Variants in FMNL1 observed in about 807,000 individuals in gnomAD.
The protein encoded by FMNL1 is formin-like protein 1.
In FMNL1, 43 loss-of-function variants were observed where a neutral mutation model predicts 121.3. That is an observed-to-expected ratio of 0.35 (90% CI 0.28 to 0.46). FMNL1 has a LOEUF of 0.46. Ranked by LOEUF, FMNL1 falls within the 20% of genes least tolerant of loss-of-function variation. FMNL1 has a pLI of 1.00. For missense variants in FMNL1, 1,191 were observed against 1,482.4 expected (o/e 0.80, Z 3.23); for synonymous variants, 613 against 613.5 (o/e 1.00, Z 0.01).
intron 1 of FMNL1, among the ~76,000 whole-genome samples, chr17:45,228,333 ATGGGCACCC>A (rs2043370785): frequency 6.6e-6 from 1 of 152,114 alleles, no homozygotes; most frequent in Non-Finnish European, 1.5e-5. Context: ...GGGAAGGGGC[ATGGGCACCC>A]TGCCCTCCAC....
Position 45,241,994 on chromosome 17 carries a change from C to T in FMNL1, c.1733C>T (p.Pro578Leu), listed in dbSNP as rs1167656804. The T allele has an allele frequency of 3.9e-6, 5 of 1,292,232 alleles. No homozygotes were observed. In the East Asian group the frequency reaches 1.1e-4, roughly 28 times the overall value. The allele number at this position is 1,292,232 out of a possible 1,614,324, so 80.0% of individuals were successfully genotyped here. A position where few individuals can be genotyped will look rare whatever the true frequency, so the allele number is the denominator to read the frequency against. Residue 578 changes from proline (P) to leucine (L), a missense_variant, in exon 15 of 27, where the codon CCG becomes CTG. Pro to Leu is a moderately conservative substitution (Grantham distance 98). Transcript: ENST00000331495. This position sits in a 1 kb window ranked among gnomAD's most constrained non-coding sequence, Gnocchi z 7.0. ...GGCAGCCCGGAGCCCCCGCCTGCGC[C>T]GCCGCTGCCCGGAGACCTGCCGCCC... ...LPGSPEPPPA[P>L]PLPGDLPPPP... is the part of the protein sequence containing the mutation.
At chr17:45,236,390 C>CTT in intron 7 of FMNL1, 146 bp downstream of exon 7, 1 of 640,090 alleles carries the variant, frequency 1.6e-6, no homozygotes. Flanking sequence ...TTGGCTCAGG[C>CTT]TTTTAAGGCT....
chr17:45,233,208 TGTTCTCGGTCCCCA>T lies in FMNL1; in HGVS notation c.328-12_329del. ...CCGGGCTCCACCCACCAGCCTTCCC[TGTTCTCGGTCCCCA>T]GTTTAAGAGGCGAGTTCAGGAGTCC... On this transcript the variant is annotated splice_acceptor_variant and splice_polypyrimidine_tract_variant and intron_variant, in intron 3 of 26. Coordinates refer to ENST00000331495, the MANE Select transcript of FMNL1 (RefSeq NM_005892.4). LOFTEE classifies it high-confidence loss of function. This position sits in a 1 kb window ranked among gnomAD's most constrained non-coding sequence, Gnocchi z 4.1. 6.4e-7 allele frequency: 1 copy of T among 1,552,954 alleles called. No homozygotes were observed. Among genetic ancestry groups the T allele is most frequent in the Non-Finnish European group, 8.7e-7 (1 of 1,147,834 alleles).
In FMNL1 at chr17:45,233,924, A is replaced by C; in HGVS notation, c.486-148A>C. Reference sequence around the variant, plus strand: ...AGGGAGGGGTGGCCTCTCTTCCACCACTATGTTCAGCACAGTGCCAAGAAC... The same window carrying C: ...AGGGAGGGGTGGCCTCTCTTCCACCCCTATGTTCAGCACAGTGCCAAGAAC... On this transcript the variant is annotated intron_variant, in intron 5 of 26. Transcript: ENST00000331495. This position sits in a 1 kb window ranked among gnomAD's most constrained non-coding sequence, Gnocchi z 4.1. 1 of 1,355,316 alleles carries C rather than the reference A, an allele frequency of 7.4e-7. No individual in the cohort carries two copies. The highest frequency in any genetic ancestry group is 1.0e-6 in the Non-Finnish European group (1 of 1,005,010). 84.0% of individuals were successfully genotyped at this position (1,355,316 alleles called of 1,614,324 possible).
intron 1 of FMNL1, 151 bp from the exon 2 acceptor site, chr17:45,230,453 T>C: frequency 1.6e-6 from 1 of 621,158 alleles, no homozygotes; most frequent in Non-Finnish European, 2.8e-6. Flanking sequence ...GGTCTTCTCA[T>C]TGGATAACAC....
chr17:45,222,381 C>A (rs1035864265), intron 1 of FMNL1, 128 bp downstream of exon 1: 1 of 804,218 alleles, frequency 1.2e-6, no homozygotes, highest in Admixed American at 5.2e-5. Context: ...GCAGCTGCCC[C>A]CTCCAGGAGG....
rs753790306 is a variant in FMNL1, at chr17:45,242,462, G to T, written c.2007G>T (p.Leu669=). The part of the protein sequence containing the change: ...VFTELNDEKV[L]QELDMSDFEE... ...CAGAGCTCAATGATGAGAAGGTGCT[G>T]CAGGTGAGTGGCCCTGCCTGGCTCC... The change falls in exon 16 of 27, where the codon CTG becomes CTT. Residue 669 remains leucine, a synonymous_variant. Coordinates refer to ENST00000331495, the MANE Select transcript of FMNL1 (RefSeq NM_005892.4). The T allele has an allele frequency of 6.2e-7, 1 of 1,613,296 alleles. No individual in the cohort carries two copies.
rs1598200870 is a variant in FMNL1 at position 45,238,980 on chromosome 17, T to C, written c.995T>C (p.Ile332Thr). ...GTGGCCTGCATGCAGTTCATCAACA[T>C]TGTGGTACATTCGGTGGAGAACATG... ...FMVACMQFIN[I>T]VVHSVENMNF... Residue 332 changes from isoleucine (I) to threonine (T), a missense_variant, in exon 11 of 27, where the codon ATT becomes ACT. Physicochemically the swap from Ile to Thr is moderately conservative, Grantham distance 89. Transcript: ENST00000331495. 6.2e-7 allele frequency: 1 copy of C among 1,614,168 alleles called. No homozygotes were observed. The highest frequency in any genetic ancestry group is 8.5e-7 in the Non-Finnish European group (1 of 1,180,016).
chr17:45,232,274 C>A (rs1229910963), intron 2 of FMNL1, 93 bp from the exon 3 acceptor site: 2 of 1,115,568 alleles, frequency 1.8e-6, no homozygotes, highest in Admixed American at 4.3e-5. Context: ...GACCTCAGAT[C>A]GGAGCTGAGA....
At chr17:45,224,948 A>G (rs1344468770) in intron 1 of FMNL1, among the ~76,000 whole-genome samples, 1 of 152,122 alleles carries the variant, frequency 6.6e-6, no homozygotes, top group Non-Finnish European at 1.5e-5. Context: ...CAGCCCCTTC[A>G]TGCCTTCCCC....
At chr17:45,240,082 C>T (rs757482110) in intron 11 of FMNL1, among the ~76,000 whole-genome samples, 3 of 152,330 alleles carry the variant, frequency 2.0e-5, no homozygotes, top group Admixed American at 6.5e-5. Context: ...TGAGCCACCT[C>T]GCCCAGCTAT....
At chr17:45,245,607 G>A in intron 22 of FMNL1, 25 bp from the exon 23 acceptor site, 1 of 1,613,208 alleles carries the variant, frequency 6.2e-7, no homozygotes, top group Non-Finnish European at 8.5e-7. Context: ...GTCTAAGCTG[G>A]GGGGCTGACA....
chr17:45,228,613 G>A (rs1282891021), intron 1 of FMNL1, among the ~76,000 whole-genome samples: 2 of 152,216 alleles, frequency 1.3e-5, no homozygotes, highest in African/African-American at 2.4e-5. Context: ...CGCAGGGCTC[G>A]GAGCAGTGCC....
chr17:45,222,494 G>C (rs1185135657), intron 1 of FMNL1, among the ~76,000 whole-genome samples: 1 of 152,182 alleles, frequency 6.6e-6, no homozygotes, highest in African/African-American at 2.4e-5. Flanking sequence ...CTCCACCCCA[G>C]CTGGGTCTTA....
intron 1 of FMNL1, among the ~76,000 whole-genome samples, chr17:45,226,603 A>T (rs567550278): frequency 1.3e-5 from 2 of 152,320 alleles, no homozygotes; most frequent in African/African-American, 4.8e-5. Flanking sequence ...AATAGGGATT[A>T]TAACAGTATC....
In FMNL1 at chr17:45,241,443, C is replaced by G; in HGVS notation, c.1394C>G (p.Ala465Gly). The change falls in exon 14 of 27, where the codon GCG (alanine) becomes GGG (glycine). Residue 465 changes from alanine to glycine, a missense_variant. Ala to Gly is a moderately conservative substitution (Grantham distance 60, BLOSUM62 0). Coordinates refer to ENST00000331495, the MANE Select transcript of FMNL1 (RefSeq NM_005892.4). The surrounding 1 kb of genome is among the most constrained non-coding windows in gnomAD (Gnocchi z 7.0). The stretch of plus-strand genomic sequence containing the variant: ...AGGCGTCCCCCAGAGCCTGAGAAAG[C>G]GCCTCCCGCTGCCCCGACGCGGCCC... ...PSRRPPEPEK[A>G]PPAAPTRPSA... 1.3e-6 allele frequency: 2 copies of G among 1,563,832 alleles called. No individual in the cohort carries two copies. Among genetic ancestry groups the G allele is most frequent in the Non-Finnish European group, 1.7e-6 (2 of 1,154,854 alleles).
intron 18 of FMNL1, 43 bp from the exon 19 acceptor site, chr17:45,244,133 G>C: frequency 6.2e-7 from 1 of 1,609,654 alleles, no homozygotes; most frequent in Non-Finnish European, 8.5e-7. Flanking sequence ...CCTCCAGATG[G>C]AGGAGGCTCC....
chr17:45,240,442 A>C, intron 11 of FMNL1, 34 bp from the exon 12 acceptor site: 14 of 1,580,776 alleles, frequency 8.9e-6, no homozygotes, highest in East Asian at 2.3e-5. Flanking sequence ...CACACACACC[A>C]GGCCTCACCC....
chr17:45,223,824 C>T (rs1004328641), intron 1 of FMNL1, among the ~76,000 whole-genome samples: 5 of 152,140 alleles, frequency 3.3e-5, no homozygotes, highest in African/African-American at 1.2e-4. Flanking sequence ...GGTCCTGACC[C>T]CAATCTTCTG....
Sources: gnomAD v4.1 joint callset for allele counts (sites outside exome capture counted in the v4.1 genomes callset) on GRCh38, gnomAD v4.1.1 for gene constraint, Gnocchi (gnomAD v3.1) non-coding constraint, MANE v1.5 for transcripts, NCBI Gene and HGNC (gene_info 2026-07-23, HGNC 2026-07-21) for gene names.